The following DUSP15 variants were observed in gnomAD, a reference collection of about 807,000 sequenced individuals.
The protein encoded by DUSP15 is dual specificity phosphatase 15, also known as dual specificity protein phosphatase 15.
DUSP15 carries 23 observed loss-of-function variants against 26.3 expected under a neutral mutation model. The observed-to-expected ratio is 0.87, with a 90% confidence interval of 0.63 to 1.24. The LOEUF (loss-of-function observed/expected upper bound fraction) is 1.24, where lower values mean the gene tolerates loss of function less well. DUSP15 is among the 50% of genes most tolerant of loss of function. The probability of loss-of-function intolerance (pLI) is 0.00; values close to 1 mark genes in which losing one functional copy is unlikely to be tolerated. For synonymous variants in DUSP15, 143 were observed against 135.5 expected (o/e 1.06, Z -0.39); for missense variants, 364 against 320.6 (o/e 1.14, Z -1.03).
At chr20:31,848,407 G>A (rs1375442921) in exon 10 of DUSP15, 3 of 1,611,500 alleles carry the variant, frequency 1.9e-6, no homozygotes, top group Non-Finnish European at 2.5e-6. Context: ...GCTGCCTTCA[G>A]CGGGTACAAG....
rs760781614 is a variant in DUSP15, at chr20:31,862,753, CA to C, written c.264-12del. On this transcript the variant is annotated splice_polypyrimidine_tract_variant and intron_variant, in intron 5 of 6. Coordinates refer to ENST00000339738, the MANE Select transcript of DUSP15 (RefSeq NM_080611.5). Reference sequence around the variant, plus strand: ...GAGATGCCTGCAAAGCTGGGATCCCCAACAACCCCTCAGGCTTCAAGTAAGA... The same window carrying C: ...GAGATGCCTGCAAAGCTGGGATCCCCACAACCCCTCAGGCTTCAAGTAAGA... 6.3e-7 allele frequency: 1 copy of C among 1,586,882 alleles called. No individual in the cohort carries two copies. Among genetic ancestry groups the C allele is most frequent in the Non-Finnish European group, 8.6e-7 (1 of 1,161,538 alleles).
intron 2 of DUSP15, 93 bp from the exon 3 acceptor site, chr20:31,867,246 C>T: frequency 1.8e-6 from 2 of 1,112,816 alleles, no homozygotes; most frequent in East Asian, 2.6e-5. Flanking sequence ...AGCTCTCCCT[C>T]TCACCCCACC....
chr20:31,850,645 C>G, exon 7 of DUSP15: 3 of 1,611,922 alleles, frequency 1.9e-6, no homozygotes, highest in Non-Finnish European at 2.5e-6. Context: ...GCATTGGGCA[C>G]CAGAGGTTTT....
intron 5 of DUSP15, among the ~76,000 whole-genome samples, chr20:31,862,967 C>T (rs2062692738): frequency 6.6e-6 from 1 of 152,210 alleles, no homozygotes; most frequent in South Asian, 2.1e-4. Context: ...AAACACCATT[C>T]ATTCAGTCAA....
chr20:31,856,615 T>C (rs1469106980), downstream of DUSP15, among the ~76,000 whole-genome samples: 1 of 152,044 alleles, frequency 6.6e-6, no homozygotes, highest in Non-Finnish European at 1.5e-5. Flanking sequence ...AGGGTTCAGA[T>C]ACCCAGGTGG....
rs779384499 is a variant in DUSP15 at position 31,862,564 on chromosome 20, TC to T, written c.435+6del. The T allele has an allele frequency of 1.3e-5, 21 of 1,600,842 alleles. No homozygotes were observed. The South Asian group carries it at 2.1e-4, about 16-fold the overall frequency. ...TGGCCCAACCCAGCCCTTGACCCCA[TC>T]CCTACCTTCTGGGAACTGGCCCAGC... is the stretch of plus-strand genomic sequence containing the variant. On this transcript the variant is annotated splice_donor_region_variant and intron_variant, in intron 6 of 6. Transcript: ENST00000339738.
chr20:31,861,479 G>A lies in DUSP15; in HGVS notation c.632C>T (p.Pro211Leu). 1.9e-6 allele frequency: 3 copies of A among 1,542,556 alleles called. No individual in the cohort carries two copies. The highest frequency in any genetic ancestry group is 2.5e-5 in the East Asian group (1 of 40,462). ...VPRTPREAHR[P>L]LPLLARVKQT... ...CTTGACGCGCGCCAGCAGCGGCAGC[G>A]GCCGGTGGGCTTCCCGGGGCGTGCG... Residue 211 changes from proline (P) to leucine (L), a missense_variant, in exon 7 of 7, where the codon CCG (proline) becomes CTG (leucine). Transcript: ENST00000339738.
chr20:31,848,409 G>C lies in DUSP15; in HGVS notation c.883C>G (p.Arg295Gly), dbSNP rs771404423. ...CCCCCTGTTGGGGGCTGCCTTCAGCGGGTACAAGAAGAGGAAGCGGCTCGC... is the reference window on the plus strand; with the variant it reads ...CCCCCTGTTGGGGGCTGCCTTCAGCCGGTACAAGAAGAGGAAGCGGCTCGC... The change falls in exon 10 of 10, where the codon CGC becomes GGC. Residue 295 changes from arginine (R) to glycine (G), a missense_variant. By Grantham distance (125) the Arg-to-Gly change is moderately radical. Transcript: ENST00000278979. The C allele has an allele frequency of 3.1e-6, 5 of 1,611,476 alleles. No individual in the cohort carries two copies. The South Asian group carries it at 4.4e-5, about 14-fold the overall frequency.
chr20:31,859,220 C>T (rs1489351265), downstream of DUSP15, among the ~76,000 whole-genome samples: 2 of 151,256 alleles, frequency 1.3e-5, no homozygotes, highest in African/African-American at 4.9e-5. Context: ...CCGACAGCTA[C>T]ACCTGTACTT....
chr20:31,862,543 C>A, intron 6 of DUSP15, 28 bp downstream of exon 6: 2 of 1,562,218 alleles, frequency 1.3e-6, no homozygotes, highest in Admixed American at 1.8e-5. Context: ...CACCCCTGGC[C>A]CAACCCAGCC....
At chr20:31,848,455 T>C (rs778527976) in exon 10 of DUSP15, 3 of 1,612,080 alleles carry the variant, frequency 1.9e-6, no homozygotes, top group South Asian at 2.2e-5. Flanking sequence ...GGCAGCTGCA[T>C]TGAAGGTGAG....
intron 8 of DUSP15, among the ~76,000 whole-genome samples, chr20:31,849,211 CT>C (rs1234046553): frequency 2.2e-4 from 34 of 152,072 alleles, no homozygotes; most frequent in African/African-American, 8.2e-4. Context: ...TCACATCCAC[CT>C]TATGCCCTAA....
At position 31,870,191 on chromosome 20, in the gene DUSP15, C is replaced by A; in HGVS notation, c.21+126G>T. 2 of 1,225,270 alleles carry A rather than the reference C, an allele frequency of 1.6e-6. No individual in the cohort carries two copies. The highest frequency in any genetic ancestry group is 2.0e-6 in the Non-Finnish European group (2 of 983,452). 75.9% of individuals were successfully genotyped at this position (1,225,270 alleles called of 1,614,324 possible). On this transcript the variant is annotated intron_variant, in intron 1 of 6. Coordinates refer to ENST00000339738, the MANE Select transcript of DUSP15 (RefSeq NM_080611.5). The surrounding 1 kb of genome is among the most constrained non-coding windows in gnomAD (Gnocchi z 6.6). ...GCCGCGGTCTCGAGTCACAGGGACACGGAGATGCCGCCGCACGGAGACCGG... is the reference window on the plus strand; with the variant it reads ...GCCGCGGTCTCGAGTCACAGGGACAAGGAGATGCCGCCGCACGGAGACCGG...
chr20:31,869,735 T>G, intron 1 of DUSP15, 138 bp from the exon 2 acceptor site: 2 of 1,502,518 alleles, frequency 1.3e-6, no homozygotes, highest in Non-Finnish European at 1.8e-6. Flanking sequence ...TCTCTTCCCT[T>G]TTGTGGGCCC....
chr20:31,846,104 G>C (rs557740598), downstream of DUSP15, among the ~76,000 whole-genome samples: 13 of 119,146 alleles, frequency 1.1e-4, no homozygotes, highest in African/African-American at 3.6e-4. Flanking sequence ...AGACATACAC[G>C]TACAGACACA....
At chr20:31,852,196 A>G (rs8120082) in intron 6 of DUSP15, among the ~76,000 whole-genome samples, 13,533 of 151,918 alleles carry the variant, frequency 0.089, 1,004 homozygotes, top group African/African-American at 0.2. Context: ...TTTAGTAGAG[A>G]TGGAGTTTCA....
intron 4 of DUSP15, chr20:31,864,462 C>T: frequency 9.6e-7 from 1 of 1,038,150 alleles, no homozygotes; most frequent in Non-Finnish European, 1.2e-6. Flanking sequence ...ATCCCGTTTT[C>T]TGAGCTCAGT....
At chr20:31,849,470 C>G in intron 8 of DUSP15, 1 of 666,252 alleles carries the variant, frequency 1.5e-6, no homozygotes, top group Non-Finnish European at 2.8e-6. Context: ...TGTTCATGTT[C>G]CTTTGCCCAC....
chr20:31,846,588 T>C (rs889858624), downstream of DUSP15, among the ~76,000 whole-genome samples: 6 of 152,128 alleles, frequency 3.9e-5, no homozygotes, highest in Admixed American at 3.3e-4. Flanking sequence ...GCCTGTGGTC[T>C]ACTGCCTTCT....
Sources: allele counts gnomAD v4.1 joint callset (sites outside exome capture counted in the v4.1 genomes callset), GRCh38; gene constraint gnomAD v4.1.1; non-coding constraint Gnocchi (gnomAD v3.1); transcripts MANE v1.5; gene names NCBI Gene and HGNC (gene_info 2026-07-23, HGNC 2026-07-21).